The following RNF213 variants were observed in gnomAD, a reference collection of about 807,000 sequenced individuals.
RNF213 encodes the protein E3 ubiquitin-protein ligase RNF213.
A neutral mutation model predicts 514.4 loss-of-function variants in RNF213; 341 were observed. The observed-to-expected ratio is 0.66, with a 90% CI of 0.61 to 0.73. The LOEUF (loss-of-function observed/expected upper bound fraction) is 0.73. Among genes scored for constraint, RNF213 ranks in the 30% least tolerant of loss-of-function variants. The pLI is 0.00. For synonymous variants in RNF213, 2,655 were observed against 2,658.2 expected (o/e 1.00, Z 0.04); for missense variants, 5,767 against 6,615.6 (o/e 0.87, Z 4.45).
chr17:80,359,918 A>T (rs2078992497), intron 37 of RNF213, 143 bp from the exon 38 acceptor site: 1 of 780,374 alleles, frequency 1.3e-6, no homozygotes. Flanking sequence ...CTGTACTGTG[A>T]AACAGATCAG....
chr17:80,354,142 T>C lies in RNF213; in HGVS notation c.10702T>C (p.Leu3568=). The change falls in exon 35 of 68, where the codon TTG becomes CTG. Residue 3568 remains leucine, a synonymous_variant. Transcript: ENST00000582970. ...MRRVVLLLGL[L]NEDDACHASF... is the part of the protein sequence containing the mutation. ...GAGGGTGGTGCTCCTCCTGGGCCTC[T>C]TGAATGAGGATGACGCGTGCCACGG... is the stretch of plus-strand genomic sequence containing the variant. 2 of 1,614,018 alleles carry C rather than the reference T, an allele frequency of 1.2e-6. No individual in the cohort carries two copies. Among genetic ancestry groups the C allele is most frequent in the East Asian group, 2.2e-5 (1 of 44,874 alleles).
intron 2 of RNF213, among the ~76,000 whole-genome samples, chr17:80,265,571 GAA>G (rs1202407843): frequency 2.0e-5 from 3 of 152,220 alleles, no homozygotes; most frequent in African/African-American, 7.2e-5. Flanking sequence ...AGAAAGTGGT[GAA>G]AAGGATGAAC....
At chr17:80,287,692 G>A in intron 3 of RNF213, 123 bp from the exon 4 acceptor site, 1 of 869,864 alleles carries the variant, frequency 1.1e-6, no homozygotes, top group Admixed American at 1.9e-5. Flanking sequence ...TTTAACAGAT[G>A]TTAGGTACTT....
At chr17:80,350,421 A>C (rs1165982594) in intron 31 of RNF213, 25 bp downstream of exon 31, 1 of 1,509,728 alleles carries the variant, frequency 6.6e-7, no homozygotes, top group Non-Finnish European at 9.2e-7. Context: ...TTTTTCTCAG[A>C]AACTATGTAA....
chr17:80,272,212 A>G (rs1293750933), intron 2 of RNF213, among the ~76,000 whole-genome samples: 3 of 152,154 alleles, frequency 2.0e-5, no homozygotes, highest in Non-Finnish European at 4.4e-5. Context: ...TGAACCTGGG[A>G]GGCAGAGGTT....
chr17:80,370,006 G>C, intron 46 of RNF213, 139 bp downstream of exon 46: 1 of 722,834 alleles, frequency 1.4e-6, no homozygotes, highest in South Asian at 1.4e-5. Flanking sequence ...ACACAGCCTG[G>C]TTACTTGTAC....
At chr17:80,387,031 C>A (rs1212583947) in intron 63 of RNF213, 140 bp downstream of exon 63, 1 of 837,708 alleles carries the variant, frequency 1.2e-6, no homozygotes, top group Non-Finnish European at 1.9e-6. Context: ...CTGCAGCTCC[C>A]GAGGCCACCA....
intron 3 of RNF213, among the ~76,000 whole-genome samples, chr17:80,284,032 G>A (rs2044386514): frequency 6.6e-6 from 1 of 151,680 alleles, no homozygotes; most frequent in Admixed American, 6.6e-5. Flanking sequence ...AAGACTAGCT[G>A]GCCAACATGG....
chr17:80,273,960 G>C (rs1825101850), intron 3 of RNF213, among the ~76,000 whole-genome samples: 1 of 152,114 alleles, frequency 6.6e-6, no homozygotes, highest in South Asian at 2.1e-4. Context: ...ATACTCGTGT[G>C]TCTCCCAGAA....
chr17:80,332,189 A>G lies in RNF213; in HGVS notation c.3701A>G (p.Gln1234Arg), dbSNP rs116722283. The change falls in exon 21 of 68, where the codon CAG (glutamine) becomes CGG (arginine). Residue 1234 changes from glutamine (Q) to arginine (R), a missense_variant. Physicochemically the swap from Gln to Arg is conservative, Grantham distance 43. Around this residue, in one of 13 missense-constraint regions of RNF213, gnomAD observed 516 missense variants for 566.5 expected, o/e 0.91. Transcript: ENST00000582970. ...TTGCTCAGAGACAGCCACATCTTCC[A>G]GCTCTTCTGGCGGGAAGCCGCAGAG... ...IDLLRDSHIF[Q>R]LFWREAAEPL... The G allele has an allele frequency of 4.8e-3, 7,451 of 1,537,192 alleles. 300 individuals are homozygous for G. The African/African-American group carries it at 0.085, about 18-fold the overall frequency.
At position 80,398,048 on chromosome 17, in the gene RNF213, G is replaced by GT. The variant is rs1362481222; in HGVS notation, c.*4551dup. On this transcript the variant is annotated 3_prime_UTR_variant, in exon 68 of 68. Coordinates refer to ENST00000582970, the MANE Select transcript of RNF213 (RefSeq NM_001256071.3). ...TTGGAGTCCAGACATCTGAAACTTG[G>GT]TAAGACTGGTCTTTGGAACTTGCCC... 1 of 151,300 alleles carries GT rather than the reference G, an allele frequency of 6.6e-6. No individual in the cohort carries two copies. Among genetic ancestry groups the GT allele is most frequent in the Non-Finnish European group, 1.5e-5 (1 of 67,950 alleles). 9.4% of individuals were successfully genotyped at this position (151,300 alleles called of 1,614,324 possible). A position where few individuals can be genotyped will look rare whatever the true frequency, so the allele number is the denominator to read the frequency against.
At position 80,346,432 on chromosome 17, in the gene RNF213, G is replaced by C; in HGVS notation, c.8097G>C (p.Lys2699Asn). 1 of 1,613,550 alleles carries C rather than the reference G, an allele frequency of 6.2e-7. No individual in the cohort carries two copies. Among genetic ancestry groups the C allele is most frequent in the Non-Finnish European group, 8.5e-7 (1 of 1,180,016 alleles). ...IGVCYHASLEKKDSYRKAIAR... is the reference protein window; with the variant it reads ...IGVCYHASLENKDSYRKAIAR... ...TGTGTTACCATGCCTCTTTAGAAAA[G>C]AAAGACTCATATCGGAAAGCCATCG... Residue 2699 changes from lysine (K) to asparagine (N), a missense_variant, in exon 29 of 68, where the codon AAG becomes AAC. Physicochemically the swap from Lys to Asn is moderately conservative, Grantham distance 94. Transcript: ENST00000582970. The surrounding 1 kb of genome is among the most constrained non-coding windows in gnomAD (Gnocchi z 8.1).
At chr17:80,369,456 A>T in intron 44 of RNF213, 46 bp from the exon 45 acceptor site, 1 of 1,561,824 alleles carries the variant, frequency 6.4e-7, no homozygotes, top group South Asian at 1.1e-5. Flanking sequence ...GTAAGGAGGC[A>T]TTTGGGAAAC....
Position 80,394,016 on chromosome 17 carries a change from C to CA in RNF213, c.*521dup, listed in dbSNP as rs2080587335. On this transcript the variant is annotated 3_prime_UTR_variant, in exon 68 of 68. Transcript: ENST00000582970. The stretch of plus-strand genomic sequence containing the variant: ...TACCAGACTGTTTTTTGTCTTCTCA[C>CA]AAAGACAAGAAAAATCAGGGCATTT... 1 of 159,248 alleles carries CA rather than the reference C, an allele frequency of 6.3e-6. No individual in the cohort carries two copies. Among genetic ancestry groups the CA allele is most frequent in the African/African-American group, 2.4e-5 (1 of 41,444 alleles). 9.9% of individuals were successfully genotyped at this position (159,248 alleles called of 1,614,324 possible). A position where few individuals can be genotyped will look rare whatever the true frequency, so the allele number is the denominator to read the frequency against.
intron 2 of RNF213, among the ~76,000 whole-genome samples, chr17:80,270,517 C>T (rs945727841): frequency 9.9e-5 from 15 of 152,188 alleles, no homozygotes; most frequent in Non-Finnish European, 4.4e-5. Flanking sequence ...TTCTCTCCAG[C>T]GTTCAGAATG....
intron 1 of RNF213, 32 bp downstream of exon 1, chr17:80,260,934 G>A (rs984083985): frequency 3.6e-4 from 55 of 151,748 alleles, no homozygotes; most frequent in African/African-American, 1.3e-3. Context: ...CTCCCGGGGC[G>A]GGGAGCGGGC....
chr17:80,348,255 C>T lies in RNF213; in HGVS notation c.9920C>T (p.Ala3307Val). ...TTCCTTCAGGCACACCTGCACACGG[C>T]AGACCTGGAGCGCCACGCCATCTTC... ...ADFLQAHLHT[A>V]DLERHAIFTE... Residue 3307 changes from alanine to valine, a missense_variant, in exon 29 of 68, where the codon GCA becomes GTA. Around this residue, in one of 13 missense-constraint regions of RNF213, gnomAD observed 919 missense variants for 1,121.0 expected, o/e 0.82. Coordinates refer to ENST00000582970, the MANE Select transcript of RNF213 (RefSeq NM_001256071.3). 1 of 1,613,792 alleles carries T rather than the reference C, an allele frequency of 6.2e-7. No homozygotes were observed. Among genetic ancestry groups the T allele is most frequent in the Non-Finnish European group, 8.5e-7 (1 of 1,180,044 alleles).
chr17:80,295,817 T>C lies in RNF213; in HGVS notation c.2012+4T>C, dbSNP rs767494230. 4 of 1,614,076 alleles carry C rather than the reference T, an allele frequency of 2.5e-6. No individual in the cohort carries two copies. Among genetic ancestry groups the C allele is most frequent in the Non-Finnish European group, 2.5e-6 (3 of 1,179,972 alleles). ...ACATCCTTGGGATACCTCAGAGGTA[T>C]TATTATTTTTTGTCAAAATGTTTTT... is the stretch of plus-strand genomic sequence containing the variant. On this transcript the variant is annotated splice_donor_region_variant and intron_variant, in intron 10 of 67. Transcript: ENST00000582970.
At chr17:80,388,976 C>T (rs1035795670) in intron 64 of RNF213, 197 bp from the exon 65 acceptor site, 14 of 632,590 alleles carry the variant, frequency 2.2e-5, no homozygotes, top group Admixed American at 5.0e-5. Context: ...TCTCCGCATG[C>T]GGGTACTGAT....
Sources: allele counts gnomAD v4.1 joint callset (sites outside exome capture counted in the v4.1 genomes callset), GRCh38; gene constraint gnomAD v4.1.1; regional missense constraint gnomAD v4.1.1; non-coding constraint Gnocchi (gnomAD v3.1); transcripts MANE v1.5; gene names NCBI Gene and HGNC (gene_info 2026-07-23, HGNC 2026-07-21).